Variants in PAX7 observed in about 807,000 individuals in gnomAD.
PAX7 encodes paired box 7.
Under a neutral mutation model 50.7 loss-of-function variants are expected in PAX7, and 18 were observed. The ratio of observed to expected loss-of-function variants is 0.36; its 90% CI spans 0.25 to 0.53. The LOEUF is 0.53. Ranked by LOEUF, PAX7 falls within the 20% of genes least tolerant of loss-of-function variation. The probability of loss-of-function intolerance (pLI) is 0.93; values close to 1 mark genes in which losing one functional copy is unlikely to be tolerated. For missense variants in PAX7, 644 were observed against 702.9 expected (o/e 0.92, Z 0.95); for synonymous variants, 310 against 290.4 (o/e 1.07, Z -0.69).
Position 18,747,527 on chromosome 1 carries a change from A to G in PAX7, c.*2598A>G, listed in dbSNP as rs1210967566. 9.4e-6 allele frequency: 2 copies of G among 213,836 alleles called. No homozygotes were observed. Among genetic ancestry groups the G allele is most frequent in the Non-Finnish European group, 1.9e-5 (2 of 105,682 alleles). 13.2% of individuals were successfully genotyped at this position (213,836 alleles called of 1,614,324 possible). A position where few individuals can be genotyped will look rare whatever the true frequency, so the allele number is the denominator to read the frequency against. On this transcript the variant is annotated 3_prime_UTR_variant, in exon 9 of 9. Coordinates refer to ENST00000420770, the MANE Select transcript of PAX7 (RefSeq NM_001135254.2). ...TGTGTTGGCAACTCGAAACATCACC[A>G]GAGAGGTGATGTTGAATGAGAGACA...
intron 4 of PAX7, among the ~76,000 whole-genome samples, chr1:18,663,291 A>C (rs936271132): frequency 6.6e-6 from 1 of 152,222 alleles, no homozygotes; most frequent in Non-Finnish European, 1.5e-5. Context: ...CATTGTACAG[A>C]TGATAAGACT....
At chr1:18,706,118 G>A (rs1363048965) in intron 7 of PAX7, among the ~76,000 whole-genome samples, 1 of 152,164 alleles carries the variant, frequency 6.6e-6, no homozygotes, top group Non-Finnish European at 1.5e-5. Flanking sequence ...GCTAGGCTCC[G>A]ACTCCCACTG....
At chr1:18,714,000 C>T (rs1037758527) in intron 7 of PAX7, among the ~76,000 whole-genome samples, 5 of 152,076 alleles carry the variant, frequency 3.3e-5, no homozygotes, top group African/African-American at 7.2e-5. Context: ...CACTTGAGGC[C>T]GGGAGTTCGA....
chr1:18,633,785 A>C (rs1037202232), intron 1 of PAX7, among the ~76,000 whole-genome samples: 1 of 152,170 alleles, frequency 6.6e-6, no homozygotes, highest in Non-Finnish European at 1.5e-5. Flanking sequence ...AGCCCCCAAC[A>C]AACTGGATCA....
intron 7 of PAX7, among the ~76,000 whole-genome samples, chr1:18,712,934 T>C (rs979954389): frequency 6.6e-6 from 1 of 151,658 alleles, no homozygotes; most frequent in African/African-American, 2.4e-5. Context: ...ATACAAAAAT[T>C]AACTGGGCGT....
intron 4 of PAX7, among the ~76,000 whole-genome samples, chr1:18,659,391 C>G (rs564415472): frequency 6.6e-6 from 1 of 152,186 alleles, no homozygotes; most frequent in Non-Finnish European, 1.5e-5. Flanking sequence ...TTCCCTCCCC[C>G]TCCTTTCCAC....
chr1:18,729,480 G>C (rs1285278928), intron 7 of PAX7, among the ~76,000 whole-genome samples: 2 of 152,224 alleles, frequency 1.3e-5, no homozygotes, highest in South Asian at 4.1e-4. Context: ...ATGCAAGTGT[G>C]TGCATGTGTA....
intron 7 of PAX7, among the ~76,000 whole-genome samples, chr1:18,732,832 C>T (rs1186039012): frequency 1.3e-5 from 2 of 152,156 alleles, no homozygotes; most frequent in African/African-American, 4.8e-5. Context: ...CCGACTCCTC[C>T]CCTCCCATCA....
chr1:18,740,829 A>G (rs756515959), intron 8 of PAX7, among the ~76,000 whole-genome samples: 15 of 152,176 alleles, frequency 9.9e-5, no homozygotes, highest in Middle Eastern at 3.2e-3. Context: ...AAAAGAATAA[A>G]ATCCTGTCAT....
At chr1:18,712,306 G>T (rs1214995438) in intron 7 of PAX7, among the ~76,000 whole-genome samples, 4 of 151,302 alleles carry the variant, frequency 2.6e-5, no homozygotes, top group African/African-American at 9.9e-5. Context: ...GAAACGCTCA[G>T]TTATTTCCCC....
chr1:18,655,564 C>T (rs565432290), intron 4 of PAX7, among the ~76,000 whole-genome samples: 14 of 152,272 alleles, frequency 9.2e-5, no homozygotes, highest in Admixed American at 5.9e-4. Flanking sequence ...TGAGGGGAGC[C>T]GGGGCCTGTG....
intron 4 of PAX7, among the ~76,000 whole-genome samples, chr1:18,640,866 G>T (rs1269450865): frequency 6.6e-6 from 1 of 151,728 alleles, no homozygotes; most frequent in African/African-American, 2.4e-5. Flanking sequence ...TGGGGCGAGC[G>T]GAGAGGGGCG....
At chr1:18,641,506 C>T (rs943725964) in intron 4 of PAX7, among the ~76,000 whole-genome samples, 14 of 152,154 alleles carry the variant, frequency 9.2e-5, no homozygotes, top group Non-Finnish European at 1.9e-4. Flanking sequence ...ACGTCTGAAC[C>T]GGGTGGGGTC....
chr1:18,712,643 C>T (rs1029776814), intron 7 of PAX7, among the ~76,000 whole-genome samples: 1 of 152,158 alleles, frequency 6.6e-6, no homozygotes, highest in Non-Finnish European at 1.5e-5. Flanking sequence ...GACATTAGAG[C>T]CCTTGGATCA....
intron 7 of PAX7, among the ~76,000 whole-genome samples, chr1:18,729,285 C>T (rs921552424): frequency 6.6e-6 from 1 of 152,146 alleles, no homozygotes; most frequent in African/African-American, 2.4e-5. Flanking sequence ...GATGAAAGTG[C>T]TCTGTGTGTC....
intron 7 of PAX7, among the ~76,000 whole-genome samples, chr1:18,706,775 G>A (rs571205469): frequency 5.9e-5 from 9 of 152,250 alleles, no homozygotes; most frequent in South Asian, 4.1e-4. Flanking sequence ...GAGCCACTGC[G>A]TCTGGCCGGA....
At chr1:18,737,453 A>G (rs1333075660) in intron 8 of PAX7, among the ~76,000 whole-genome samples, 1 of 152,166 alleles carries the variant, frequency 6.6e-6, no homozygotes, top group Non-Finnish European at 1.5e-5. Context: ...CTTCCTGTGC[A>G]TGTACATGTT....
At chr1:18,652,669 A>G (rs1455290110) in intron 4 of PAX7, among the ~76,000 whole-genome samples, 1 of 152,206 alleles carries the variant, frequency 6.6e-6, no homozygotes, top group African/African-American at 2.4e-5. Context: ...GCTTTACATT[A>G]ATGAATTCAT....
In PAX7 at chr1:18,735,785, C is replaced by G; in HGVS notation, c.1309C>G (p.Pro437Ala). ...CTCCATCAAGCCAGGAGACAGCCTG[C>G]CCACCTCCCAGGCCTACTGCCCACC... ...ADSIKPGDSL[P>A]TSQAYCPPTY... The change falls in exon 8 of 9, where the codon CCC (proline) becomes GCC (alanine). Residue 437 changes from proline to alanine, a missense_variant. Pro to Ala is a conservative substitution (Grantham distance 27). Transcript: ENST00000420770. This position sits in a 1 kb window ranked among gnomAD's most constrained non-coding sequence, Gnocchi z 4.0. 6.2e-7 allele frequency: 1 copy of G among 1,614,148 alleles called. No homozygotes were observed. The highest frequency in any genetic ancestry group is 1.1e-5 in the South Asian group (1 of 91,088).
Sources: gnomAD v4.1 joint callset for allele counts (sites outside exome capture counted in the v4.1 genomes callset) on GRCh38, gnomAD v4.1.1 for gene constraint, Gnocchi (gnomAD v3.1) non-coding constraint, MANE v1.5 for transcripts, NCBI Gene and HGNC (gene_info 2026-07-23, HGNC 2026-07-21) for gene names.